Variants in CFAP73 observed in about 807,000 individuals in gnomAD.
CFAP73 encodes cilia and flagella associated protein 73.
A neutral mutation model predicts 42.9 loss-of-function variants in CFAP73; 33 were observed. That is an observed-to-expected ratio of 0.77 (90% CI 0.58 to 1.03). The LOEUF (loss-of-function observed/expected upper bound fraction) is 1.03, where lower values mean the gene tolerates loss of function less well. Ranked by LOEUF, CFAP73 falls within the 50% of genes least tolerant of loss-of-function variation. CFAP73 has a pLI of 0.00. For missense variants in CFAP73, 392 were observed against 411.9 expected, an observed-to-expected ratio of 0.95 and a Z score of 0.42; for synonymous variants, 162 against 186.8, an observed-to-expected ratio of 0.87 and a Z score of 1.08.
chr12:113,157,783 C>T (rs774309661), intron 7 of CFAP73, 93 bp downstream of exon 7: 20 of 949,718 alleles, frequency 2.1e-5, no homozygotes, highest in East Asian at 7.9e-5. Context: ...TTCCTGAATC[C>T]GTTTCCTCAT....
rs1952077522 is a variant in CFAP73, at chr12:113,152,874, A to G, written c.254A>G (p.Asp85Gly). The change falls in exon 3 of 8, where the codon GAC (aspartate) becomes GGC (glycine). Residue 85 changes from aspartate (D) to glycine (G), a missense_variant. By Grantham distance (94) the Asp-to-Gly change is moderately conservative. Transcript: ENST00000335621. ...CTAAAGGGATCGTTCATCCGCTTTG[A>G]CAAGTTTTTGCAGGTAGGTGGAGCC... ...RELKGSFIRFDKFLQDSEARR... is the reference protein window; with the variant it reads ...RELKGSFIRFGKFLQDSEARR... 1.3e-6 allele frequency: 2 copies of G among 1,551,528 alleles called. No individual in the cohort carries two copies. The highest frequency in any genetic ancestry group is 4.9e-5 in the East Asian group (2 of 40,918).
At chr12:113,155,063 G>A (rs1180642275) in intron 5 of CFAP73, among the ~76,000 whole-genome samples, 197 bp from the exon 6 acceptor site, 1 of 152,136 alleles carries the variant, frequency 6.6e-6, no homozygotes, top group Non-Finnish European at 1.5e-5. Context: ...CCAGCTACTC[G>A]GGAGGCTGAA....
intron 1 of CFAP73, 83 bp from the exon 2 acceptor site, chr12:113,151,835 T>A: frequency 1.1e-6 from 1 of 871,096 alleles, no homozygotes; most frequent in South Asian, 1.8e-5. Context: ...AGGTGGCTAA[T>A]GGGGCACTCC....
At chr12:113,157,108 G>A (rs1952137456) in intron 6 of CFAP73, 1 of 153,634 alleles carries the variant, frequency 6.5e-6, no homozygotes, top group African/African-American at 2.4e-5. Context: ...TTCCTTCTCA[G>A]CTGTTGATAC....
chr12:113,155,441 C>T, intron 6 of CFAP73, 23 bp downstream of exon 6: 1 of 1,522,438 alleles, frequency 6.6e-7, no homozygotes, highest in South Asian at 1.2e-5. Context: ...CTTTATGGCA[C>T]CTCCAGCCCC....
chr12:113,156,910 C>T (rs7309187), intron 6 of CFAP73: 14,845 of 152,222 alleles, frequency 0.098, 834 homozygotes, highest in East Asian at 0.21. Flanking sequence ...AAAGGCTCCA[C>T]GGAGGGACAT....
rs905462212 is a variant in CFAP73, at chr12:113,149,843, G to T, written c.-15G>T. 13 of 1,551,342 alleles carry T rather than the reference G, an allele frequency of 8.4e-6. No homozygotes were observed. The African/African-American group carries it at 1.6e-4, about 20-fold the overall frequency. On this transcript the variant is annotated 5_prime_UTR_variant, in exon 1 of 8. Coordinates refer to ENST00000335621, the MANE Select transcript of CFAP73 (RefSeq NM_001144872.3). ...TCCAGCTGGTGGAAAGAAAGCTGGGGCAACTGCCAGAAGGATGGCGGTGCC... is the reference window on the plus strand; with the variant it reads ...TCCAGCTGGTGGAAAGAAAGCTGGGTCAACTGCCAGAAGGATGGCGGTGCC...
intron 1 of CFAP73, 27 bp downstream of exon 1, chr12:113,149,940 G>T: frequency 1.3e-6 from 2 of 1,547,718 alleles, no homozygotes; most frequent in Non-Finnish European, 1.7e-6. Flanking sequence ...GGGAGGGAGG[G>T]CTAGAAGGAG....
intron 1 of CFAP73, 123 bp from the exon 2 acceptor site, chr12:113,151,793 CAA>C (rs377474143): frequency 0.019 from 8,286 of 444,422 alleles, no homozygotes; most frequent in South Asian, 0.025. Context: ...AAACAAGTCT[CAA>C]AAAAAAAAAA....
rs1952103341 is a variant in CFAP73, at chr12:113,154,893, G to A, written c.690+258G>A. On this transcript the variant is annotated intron_variant, in intron 5 of 7. Coordinates refer to ENST00000335621, the MANE Select transcript of CFAP73 (RefSeq NM_001144872.3). This position sits in a 1 kb window ranked among gnomAD's most constrained non-coding sequence, Gnocchi z 4.7. The stretch of plus-strand genomic sequence containing the variant: ...GCAGAGGTGGATGGGAAGAATGCCG[G>A]GCGCGGTGGCTCATGCCTGTAATCC... Among the ~76,000 whole-genome samples the A allele has an allele frequency of 1.3e-5, 2 of 152,240 alleles. No individual in the cohort carries two copies. Among genetic ancestry groups the A allele is most frequent in the Non-Finnish European group, 2.9e-5 (2 of 68,046 alleles).
chr12:113,155,172 A>G, intron 5 of CFAP73, 88 bp from the exon 6 acceptor site: 1 of 1,273,756 alleles, frequency 7.9e-7, no homozygotes, highest in East Asian at 2.6e-5. Flanking sequence ...TCCATCTCAA[A>G]AAGAAAAAAA....
chr12:113,153,122 G>A, intron 3 of CFAP73, 86 bp from the exon 4 acceptor site: 1 of 1,363,040 alleles, frequency 7.3e-7, no homozygotes, highest in Non-Finnish European at 9.6e-7. Context: ...GGTTTTGCGA[G>A]CGAATGTCAG....
rs1432259135 is a variant in CFAP73, at chr12:113,153,393, G to A, written c.453G>A (p.Leu151=). 2.1e-6 allele frequency: 3 copies of A among 1,447,144 alleles called. No individual in the cohort carries two copies. The African/African-American group carries it at 4.5e-5, about 22-fold the overall frequency. The allele number at this position is 1,447,144 out of a possible 1,614,324, so 89.6% of individuals were successfully genotyped here. The stretch of plus-strand genomic sequence containing the variant: ...GCGCGCGCCTGCTGGAGCAAGCGCT[G>A]GAGCTGCTGCCCGGGGTGAGTCCGG... ...EPCARLLEQA[L]ELLPGFQEVP... The change falls in exon 4 of 8, where the codon CTG becomes CTA. Residue 151 remains leucine, a synonymous_variant. Transcript: ENST00000335621.
Position 113,154,606 on chromosome 12 carries a change from G to A in CFAP73, c.661G>A (p.Glu221Lys), listed in dbSNP as rs1265537919. 8 of 1,415,682 alleles carry A rather than the reference G, an allele frequency of 5.7e-6. No individual in the cohort carries two copies. The highest frequency in any genetic ancestry group is 6.4e-6 in the Non-Finnish European group (7 of 1,096,336). 87.7% of individuals were successfully genotyped at this position (1,415,682 alleles called of 1,614,324 possible). The change falls in exon 5 of 8, where the codon GAG becomes AAG. Residue 221 changes from glutamate to lysine, a missense_variant. By Grantham distance (56) the Glu-to-Lys change is moderately conservative. Transcript: ENST00000335621. This position sits in a 1 kb window ranked among gnomAD's most constrained non-coding sequence, Gnocchi z 4.7. ...QRRAQLQERLEAARERTLQWE... is the reference protein window; with the variant it reads ...QRRAQLQERLKAARERTLQWE... Reference sequence around the variant, plus strand: ...GCGGGCACAGCTGCAGGAGCGCCTGGAGGCTGCCAGGGAGCGTACGCTGCA... The same window carrying A: ...GCGGGCACAGCTGCAGGAGCGCCTGAAGGCTGCCAGGGAGCGTACGCTGCA...
chr12:113,156,277 G>T (rs1034964467), intron 6 of CFAP73, among the ~76,000 whole-genome samples: 2 of 152,038 alleles, frequency 1.3e-5, no homozygotes, highest in South Asian at 4.1e-4. Flanking sequence ...TTTGTTTCTA[G>T]TGGGTATACC....
At chr12:113,152,693 C>G (rs1393621101) in intron 2 of CFAP73, 90 bp from the exon 3 acceptor site, 3 of 890,396 alleles carry the variant, frequency 3.4e-6, no homozygotes, top group African/African-American at 1.7e-5. Context: ...AGATCAGGGA[C>G]AACAGGTGGA....
In CFAP73 at chr12:113,155,363, A is replaced by G; in HGVS notation, c.794A>G (p.His265Arg). 6.4e-7 allele frequency: 1 copy of G among 1,551,528 alleles called. No homozygotes were observed. Among genetic ancestry groups the G allele is most frequent in the Non-Finnish European group, 8.7e-7 (1 of 1,146,808 alleles). ...AACCTGTTCCAGCTAGTGTGCCAGC[A>G]TCAGGGGCAGCCTCCCACCCTGGAC... ...VLNLFQLVCQ[H>R]QGQPPTLDIE... Residue 265 changes from histidine (H) to arginine (R), a missense_variant, in exon 6 of 8, where the codon CAT becomes CGT. Transcript: ENST00000335621.
At chr12:113,153,055 C>A in intron 3 of CFAP73, 153 bp from the exon 4 acceptor site, 1 of 871,710 alleles carries the variant, frequency 1.1e-6, no homozygotes, top group Non-Finnish European at 1.7e-6. Context: ...AAAAAAAAAG[C>A]GGGCGGGGGA....
intron 6 of CFAP73, 100 bp from the exon 7 acceptor site, chr12:113,157,502 C>A: frequency 1.1e-6 from 1 of 884,028 alleles, no homozygotes; most frequent in South Asian, 1.5e-5. Flanking sequence ...AGGGGATCTC[C>A]AGTCCCCGCC....
Sources: allele counts gnomAD v4.1 joint callset (sites outside exome capture counted in the v4.1 genomes callset), GRCh38; gene constraint gnomAD v4.1.1; non-coding constraint Gnocchi (gnomAD v3.1); transcripts MANE v1.5; gene names NCBI Gene and HGNC (gene_info 2026-07-23, HGNC 2026-07-21).